The following KIF5C variants were observed in gnomAD, a reference collection of about 807,000 sequenced individuals.
KIF5C encodes kinesin heavy chain isoform 5C.
Under a neutral mutation model 125.2 loss-of-function variants are expected in KIF5C, and 18 were observed. The ratio of observed to expected loss-of-function variants is 0.14; its 90% CI spans 0.10 to 0.21. The LOEUF (loss-of-function observed/expected upper bound fraction) is 0.21, where lower values mean the gene tolerates loss of function less well. Ranked by LOEUF, KIF5C falls within the 10% of genes least tolerant of loss-of-function variation. KIF5C has a pLI of 1.00. For missense variants in KIF5C, 780 were observed against 1,183.8 expected, an observed-to-expected ratio of 0.66 and a Z score of 5.01; for synonymous variants, 405 against 434.0, an observed-to-expected ratio of 0.93 and a Z score of 0.83.
rs1297579840 is a variant in KIF5C, at chr2:149,005,453, C to A, written c.2434C>A (p.Arg812=). The A allele has an allele frequency of 6.2e-7, 1 of 1,613,552 alleles. No homozygotes were observed. The stretch of plus-strand genomic sequence containing the variant: ...ACTCTTTGTCCAGGATCTGACCACC[C>A]GAGTTAAAAAAGTGAGTTCTCTTTG... The part of the protein sequence containing the change: ...RKLFVQDLTT[R]VKKSVELDND... The change falls in exon 22 of 26, where the codon CGA becomes AGA. Residue 812 remains arginine (R), a synonymous_variant. Transcript: ENST00000435030.
chr2:148,987,061 C>G (rs954097408), intron 15 of KIF5C, among the ~76,000 whole-genome samples: 2 of 152,122 alleles, frequency 1.3e-5, no homozygotes, highest in Non-Finnish European at 2.9e-5. Context: ...TGCAGGGTGG[C>G]CACTCTTACA....
chr2:148,912,551 C>T (rs1191475649), intron 1 of KIF5C, among the ~76,000 whole-genome samples: 1 of 152,200 alleles, frequency 6.6e-6, no homozygotes, highest in East Asian at 1.9e-4. Context: ...CTCACATGAT[C>T]CTCTCACCAC....
Position 148,922,130 on chromosome 2 carries a change from T to C in KIF5C, c.127-7T>C, listed in dbSNP as rs770760903. ...ACCTTTTTCTTCCCTTTGTCTTTCT[T>C]TTTTAGCAAGGGAAGCCATATGTCT... On this transcript the variant is annotated splice_polypyrimidine_tract_variant and splice_region_variant and intron_variant, in intron 1 of 25. Coordinates refer to ENST00000435030, the MANE Select transcript of KIF5C (RefSeq NM_004522.3). 2 of 1,590,658 alleles carry C rather than the reference T, an allele frequency of 1.3e-6. No homozygotes were observed. Among genetic ancestry groups the C allele is most frequent in the Non-Finnish European group, 1.7e-6 (2 of 1,168,380 alleles).
chr2:148,896,843 T>TC (rs1680690324), intron 1 of KIF5C, among the ~76,000 whole-genome samples: 1 of 134,012 alleles, frequency 7.5e-6, no homozygotes, highest in South Asian at 2.6e-4. Flanking sequence ...CTCTCTCTCT[T>TC]TCTTTCTGAT....
chr2:148,992,439 C>T (rs1320451546), intron 16 of KIF5C, among the ~76,000 whole-genome samples: 1 of 152,090 alleles, frequency 6.6e-6, no homozygotes, highest in Admixed American at 6.5e-5. Context: ...ATATGGTATT[C>T]TCATTTCCTG....
intron 3 of KIF5C, 140 bp from the exon 4 acceptor site, chr2:148,937,144 G>A: frequency 3.2e-6 from 4 of 1,252,534 alleles, no homozygotes; most frequent in Non-Finnish European, 4.3e-6. Context: ...TCAGGTAGAT[G>A]CCCAAGGGAG....
chr2:148,923,812 G>A (rs1192653319), intron 2 of KIF5C, among the ~76,000 whole-genome samples: 1 of 152,120 alleles, frequency 6.6e-6, no homozygotes, highest in African/African-American at 2.4e-5. Flanking sequence ...TTAACAACCT[G>A]TAGTAATACT....
chr2:148,985,087 G>A (rs983808621), intron 15 of KIF5C, among the ~76,000 whole-genome samples: 5 of 152,146 alleles, frequency 3.3e-5, no homozygotes, highest in Non-Finnish European at 7.3e-5. Flanking sequence ...ACAGGCGTGA[G>A]CCACCACACC....
chr2:149,008,514 G>A (rs1340330012), intron 23 of KIF5C, among the ~76,000 whole-genome samples: 2 of 152,152 alleles, frequency 1.3e-5, no homozygotes, highest in African/African-American at 2.4e-5. Flanking sequence ...CACCGTGGGA[G>A]GACCGGGACT....
At chr2:148,890,041 G>C (rs1251017623) in intron 1 of KIF5C, among the ~76,000 whole-genome samples, 1 of 152,158 alleles carries the variant, frequency 6.6e-6, no homozygotes. Context: ...CGTAGGTTTA[G>C]TCACTCAAAT....
intron 11 of KIF5C, among the ~76,000 whole-genome samples, chr2:148,962,713 C>T (rs1682960298): frequency 6.6e-6 from 1 of 152,142 alleles, no homozygotes; most frequent in Non-Finnish European, 1.5e-5. Context: ...GAGATGCACT[C>T]TATCTAATAT....
At chr2:149,000,095 A>C in intron 19 of KIF5C, 1 of 218,942 alleles carries the variant, frequency 4.6e-6, no homozygotes, top group Non-Finnish European at 8.9e-6. Flanking sequence ...GGGCCGAGGA[A>C]GCAGAGTTCT....
At chr2:149,000,831 A>C in intron 21 of KIF5C, 49 bp downstream of exon 21, 1 of 1,604,794 alleles carries the variant, frequency 6.2e-7, no homozygotes, top group Non-Finnish European at 8.5e-7. Flanking sequence ...GACCGGATTC[A>C]TTTGTGATTT....
intron 1 of KIF5C, among the ~76,000 whole-genome samples, chr2:148,895,850 A>T (rs1359755513): frequency 4.3e-5 from 1 of 23,180 alleles, no homozygotes; most frequent in Non-Finnish European, 2.0e-4. Flanking sequence ...TGTGTGACAC[A>T]CACACACACA....
At chr2:149,017,228 G>A (rs1240166245) in intron 25 of KIF5C, among the ~76,000 whole-genome samples, 1 of 152,184 alleles carries the variant, frequency 6.6e-6, no homozygotes, top group African/African-American at 2.4e-5. Context: ...GTGTGCGATG[G>A]TGATGGTATA....
Position 149,010,131 on chromosome 2 carries a change from C to G in KIF5C, c.2551-4C>G, listed in dbSNP as rs1682140450. 1 of 1,545,356 alleles carries G rather than the reference C, an allele frequency of 6.5e-7. No individual in the cohort carries two copies. The highest frequency in any genetic ancestry group is 1.2e-5 in the South Asian group (1 of 82,974). ...AACTCCCTTCCTTTATCCTCCTGCC[C>G]CAGCTGGTCCGGGACAACGCAGACC... On this transcript the variant is annotated splice_polypyrimidine_tract_variant and splice_region_variant and intron_variant, in intron 23 of 25. Coordinates refer to ENST00000435030, the MANE Select transcript of KIF5C (RefSeq NM_004522.3).
chr2:148,933,918 TACAC>T (rs1213781835), intron 3 of KIF5C, among the ~76,000 whole-genome samples: 27 of 141,364 alleles, frequency 1.9e-4, no homozygotes, highest in African/African-American at 6.9e-4. Context: ...AAATACATCA[TACAC>T]ACACACAAAC....
Position 149,000,425 on chromosome 2 carries a change from T to G in KIF5C, c.2213T>G (p.Leu738Trp), listed in dbSNP as rs749045025. The G allele has an allele frequency of 1.3e-6, 2 of 1,578,698 alleles. No individual in the cohort carries two copies. The highest frequency in any genetic ancestry group is 1.7e-6 in the Non-Finnish European group (2 of 1,158,442). ...KQKIIDEIRD[L>W]NQKLQLEQEK... ...TTGCTTTTTCCTCTCAATTTCAGTT[T>G]GAATCAGAAACTGCAACTGGAACAG... Residue 738 changes from leucine to tryptophan, a missense_variant and splice_region_variant, in exon 20 of 26, where the codon TTG becomes TGG. Leu to Trp is a moderately conservative substitution (Grantham distance 61). This residue lies in a region of KIF5C where 573 missense variants were observed against 742.6 expected (regional missense o/e 0.77). Transcript: ENST00000435030.
At chr2:148,905,638 A>G (rs1323544383) in intron 1 of KIF5C, among the ~76,000 whole-genome samples, 2 of 152,132 alleles carry the variant, frequency 1.3e-5, no homozygotes, top group Non-Finnish European at 2.9e-5. Flanking sequence ...GCTTTTAAGG[A>G]TAGCACACAT....
Sources: gnomAD v4.1 joint callset for allele counts (sites outside exome capture counted in the v4.1 genomes callset) on GRCh38, gnomAD v4.1.1 for gene constraint, gnomAD v4.1.1 regional missense constraint, MANE v1.5 for transcripts, NCBI Gene and HGNC (gene_info 2026-07-23, HGNC 2026-07-21) for gene names.